The following KIAA0930 variants were observed in gnomAD, a reference collection of about 807,000 sequenced individuals.
KIAA0930 encodes the protein uncharacterized protein KIAA0930.
Under a neutral mutation model 43.9 loss-of-function variants are expected in KIAA0930, and 24 were observed. That is an observed-to-expected ratio of 0.55 (90% CI 0.40 to 0.77). KIAA0930 has a LOEUF of 0.77. KIAA0930 is among the 30% of genes least tolerant of loss of function. KIAA0930 has a pLI of 0.00. For synonymous variants in KIAA0930, 259 were observed against 216.4 expected, an observed-to-expected ratio of 1.20 and a Z score of -1.73; for missense variants, 461 against 574.2, an observed-to-expected ratio of 0.80 and a Z score of 2.02.
intron 9 of KIAA0930, 71 bp from the exon 10 acceptor site, chr22:45,197,287 T>A: frequency 7.2e-7 from 1 of 1,396,414 alleles, no homozygotes; most frequent in South Asian, 1.4e-5. Flanking sequence ...GTCACGGCAG[T>A]GCCACTTCTG....
At chr22:45,237,161 T>C (rs576214311) in intron 1 of KIAA0930, among the ~76,000 whole-genome samples, 106 of 152,232 alleles carry the variant, frequency 7.0e-4, no homozygotes, top group Non-Finnish European at 1.3e-3. Context: ...CACACCTGGG[T>C]CCTGAATCAC....
chr22:45,239,914 G>C (rs2083906713), intron 1 of KIAA0930, among the ~76,000 whole-genome samples: 1 of 152,092 alleles, frequency 6.6e-6, no homozygotes, highest in African/African-American at 2.4e-5. Context: ...TGATCCATCA[G>C]TAATGGATTA....
At chr22:45,235,158 C>A in intron 1 of KIAA0930, 1 of 152,396 alleles carries the variant, frequency 6.6e-6, no homozygotes. Flanking sequence ...GGGGACGGCT[C>A]ATGCCATGGA....
rs1015162505 is a variant in KIAA0930 at position 45,192,755 on chromosome 22, T to G, written c.*4421A>C. On this transcript the variant is annotated 3_prime_UTR_variant, in exon 10 of 10. Coordinates refer to ENST00000336156, the MANE Select transcript of KIAA0930 (RefSeq NM_001009880.2). ...TCGCCTTAGGCAGGATAAGAAGTTG[T>G]AAACTCACCCATCAGCAGCTGCCTC... 2 of 152,194 alleles carry G rather than the reference T, an allele frequency of 1.3e-5. No homozygotes were observed. The highest frequency in any genetic ancestry group is 1.3e-4 in the Admixed American group (2 of 15,276). The allele number at this position is 152,194 out of a possible 1,614,324, so 9.4% of individuals were successfully genotyped here. A position where few individuals can be genotyped will look rare whatever the true frequency, so the allele number is the denominator to read the frequency against.
intron 7 of KIAA0930, among the ~76,000 whole-genome samples, chr22:45,202,243 G>A (rs2147737482): frequency 6.6e-6 from 1 of 152,390 alleles, no homozygotes; most frequent in East Asian, 1.9e-4. Flanking sequence ...GAACCAGGTA[G>A]AGCAAAGCAG....
At chr22:45,212,300 C>T (rs1487720976) in intron 1 of KIAA0930, 193 bp from the exon 2 acceptor site, 1 of 1,612,958 alleles carries the variant, frequency 6.2e-7, no homozygotes, top group Admixed American at 1.7e-5. Context: ...GGACACCTCC[C>T]AGGAGGCCCA....
At position 45,209,473 on chromosome 22, in the gene KIAA0930, G is replaced by A. The variant is rs142373968; in HGVS notation, c.216+2483C>T. Among the ~76,000 whole-genome samples the A allele has an allele frequency of 7.2e-3, 1,090 of 152,284 alleles. 7 individuals are homozygous for A. Among genetic ancestry groups the A allele is most frequent in the Non-Finnish European group, 0.011 (772 of 68,016 alleles). ...CCGCAATCTCCATCGGCCTAGTCTG[G>A]CAGGTCCCATGTGGCACTCGTCACA... is the stretch of plus-strand genomic sequence containing the variant. On this transcript the variant is annotated intron_variant, in intron 2 of 9. Coordinates refer to ENST00000336156, the MANE Select transcript of KIAA0930 (RefSeq NM_001009880.2).
chr22:45,231,940 G>A (rs143108318), intron 1 of KIAA0930, among the ~76,000 whole-genome samples: 2 of 152,302 alleles, frequency 1.3e-5, no homozygotes, highest in African/African-American at 4.8e-5. Flanking sequence ...GCAGTGAGCC[G>A]AGATCGCGCC....
intron 2 of KIAA0930, chr22:45,211,372 G>A (rs940891090): frequency 2.5e-6 from 1 of 398,770 alleles, no homozygotes; most frequent in Non-Finnish European, 4.4e-6. Flanking sequence ...CCCACACTGC[G>A]ATTTAGTGGA....
Position 45,228,034 on chromosome 22 carries a change from T to C in KIAA0930, c.64+12606A>G, listed in dbSNP as rs190811020. The stretch of plus-strand genomic sequence containing the variant: ...AGCACCGGCCAATGCAGACAATCCG[T>C]GGGCTGGCAGGAGGGACCTGCAGAT... On this transcript the variant is annotated intron_variant, in intron 1 of 9. Transcript: ENST00000336156. Among the ~76,000 whole-genome samples, 611 of 152,174 alleles carry C rather than the reference T, an allele frequency of 4.0e-3. 2 individuals are homozygous for C. Among genetic ancestry groups the C allele is most frequent in the Non-Finnish European group, 6.6e-3 (446 of 67,980 alleles).
At chr22:45,199,454 T>G (rs2083566932) in intron 8 of KIAA0930, among the ~76,000 whole-genome samples, 1 of 152,148 alleles carries the variant, frequency 6.6e-6, no homozygotes, top group South Asian at 2.1e-4. Flanking sequence ...GGGCCAGGCC[T>G]CACCCTGAGG....
chr22:45,201,135 A>T (rs949042558), intron 7 of KIAA0930: 1 of 437,928 alleles, frequency 2.3e-6, no homozygotes, highest in African/African-American at 2.1e-5. Context: ...GCTGGGCTCC[A>T]GACGGTGTTC....
chr22:45,204,990 A>G (rs1414297189), intron 5 of KIAA0930, among the ~76,000 whole-genome samples: 1 of 152,124 alleles, frequency 6.6e-6, no homozygotes, highest in African/African-American at 2.4e-5. Flanking sequence ...AGGACAGATG[A>G]TCATGACACT....
intron 1 of KIAA0930, among the ~76,000 whole-genome samples, chr22:45,229,674 A>T (rs2083839686): frequency 6.6e-6 from 1 of 152,210 alleles, no homozygotes. Context: ...ATTCCAGGCC[A>T]AGTGTGGAGG....
intron 2 of KIAA0930, among the ~76,000 whole-genome samples, chr22:45,209,183 G>A (rs1056656316): frequency 6.6e-6 from 1 of 152,232 alleles, no homozygotes; most frequent in African/African-American, 2.4e-5. Context: ...AGGCCCGGCT[G>A]GTTGCTATGG....
chr22:45,231,820 G>A (rs960427366), intron 1 of KIAA0930, among the ~76,000 whole-genome samples: 3 of 152,078 alleles, frequency 2.0e-5, no homozygotes, highest in East Asian at 1.9e-4. Flanking sequence ...GTGAAACCCC[G>A]TCTCTACTAA....
chr22:45,229,566 T>C (rs998648679), intron 1 of KIAA0930, among the ~76,000 whole-genome samples: 24 of 151,560 alleles, frequency 1.6e-4, no homozygotes, highest in Admixed American at 1.4e-3. Flanking sequence ...AGAACAAGGG[T>C]AGCAGTGGCT....
rs2083727635 is a variant in KIAA0930, at chr22:45,215,694, C to G, written c.65-3587G>C. On this transcript the variant is annotated intron_variant, in intron 1 of 9. Transcript: ENST00000336156. The stretch of plus-strand genomic sequence containing the variant: ...ACGATGTTTAGTGGAAAAGCGGAAC[C>G]CCAAGTTGTAGACACAATGATGACA... Among the ~76,000 whole-genome samples, 3 of 152,266 alleles carry G rather than the reference C, an allele frequency of 2.0e-5. No homozygotes were observed. The South Asian group carries it at 6.2e-4, about 32-fold the overall frequency.
At chr22:45,197,978 C>T (rs1257682378) in intron 8 of KIAA0930, 30 bp from the exon 9 acceptor site, 3 of 1,612,072 alleles carry the variant, frequency 1.9e-6, no homozygotes, top group Non-Finnish European at 2.5e-6. Context: ...GTCAAGGCCC[C>T]CACAGCATGG....
Sources: allele counts gnomAD v4.1 joint callset (sites outside exome capture counted in the v4.1 genomes callset), GRCh38; gene constraint gnomAD v4.1.1; transcripts MANE v1.5; gene names NCBI Gene and HGNC (gene_info 2026-07-23, HGNC 2026-07-21).